Variants in STIM2 observed in about 807,000 individuals in gnomAD.
The protein encoded by STIM2 is stromal interaction molecule 2.
In STIM2, 31 loss-of-function variants were observed where a neutral mutation model predicts 85.8. The ratio of observed to expected loss-of-function variants is 0.36; its 90% confidence interval spans 0.27 to 0.49. STIM2 has a LOEUF of 0.49. STIM2 is among the 20% of genes least tolerant of loss of function. The pLI, the probability that STIM2 is intolerant of heterozygous loss-of-function variation, is 0.98. For synonymous variants in STIM2, 356 were observed against 331.1 expected, an observed-to-expected ratio of 1.08 and a Z score of -0.82; for missense variants, 841 against 927.6, an observed-to-expected ratio of 0.91 and a Z score of 1.21.
intron 2 of STIM2, among the ~76,000 whole-genome samples, chr4:26,944,495 T>TA (rs1725739664): frequency 6.6e-6 from 1 of 152,178 alleles, no homozygotes; most frequent in Non-Finnish European, 1.5e-5. Flanking sequence ...CCATAATAGA[T>TA]ACTCAGTAAA....
At chr4:26,987,309 A>C (rs1489170011) in intron 3 of STIM2, among the ~76,000 whole-genome samples, 1 of 152,156 alleles carries the variant, frequency 6.6e-6, no homozygotes, top group East Asian at 1.9e-4. Context: ...TGGTGGTGGG[A>C]CCGAAAGTAG....
intron 1 of STIM2, among the ~76,000 whole-genome samples, chr4:26,893,417 C>T (rs1723571773): frequency 6.6e-6 from 1 of 152,086 alleles, no homozygotes; most frequent in Non-Finnish European, 1.5e-5. Context: ...TTAATAAAAT[C>T]ATTGTATGTG....
chr4:27,021,164 A>G, intron 11 of STIM2: 2 of 1,168,520 alleles, frequency 1.7e-6, no homozygotes, highest in Non-Finnish European at 2.4e-6. Flanking sequence ...ATTTTTATGA[A>G]GTACCTACCG....
chr4:26,965,255 CCGGGTT>C (rs1726667259), intron 3 of STIM2, among the ~76,000 whole-genome samples: 1 of 152,080 alleles, frequency 6.6e-6, no homozygotes, highest in Non-Finnish European at 1.5e-5. Context: ...CTTTAATAGT[CCGGGTT>C]TCTTCTGTGA....
At chr4:27,019,453 G>A in intron 11 of STIM2, 1 of 1,289,778 alleles carries the variant, frequency 7.8e-7, no homozygotes, top group South Asian at 1.2e-5. Flanking sequence ...GTCTTGTGTG[G>A]TTTCTGGAAA....
chr4:26,880,667 G>GTAAATATATATA (rs1256792988), intron 1 of STIM2, among the ~76,000 whole-genome samples: 335 of 144,278 alleles, frequency 2.3e-3, no homozygotes, highest in African/African-American at 4.7e-3. Context: ...AAATATATAT[G>GTAAATATATATA]TAAATATATA....
At chr4:26,870,264 G>T (rs1722564480) in intron 1 of STIM2, among the ~76,000 whole-genome samples, 1 of 149,312 alleles carries the variant, frequency 6.7e-6, no homozygotes, top group South Asian at 2.1e-4. Context: ...TGACATTTGT[G>T]AAGAGGGTAG....
chr4:26,948,999 G>A (rs916995536), intron 2 of STIM2, among the ~76,000 whole-genome samples: 6 of 152,140 alleles, frequency 3.9e-5, no homozygotes, highest in East Asian at 3.8e-4. Context: ...AATTGACACA[G>A]TACATACAGT....
chr4:26,863,736 C>T (rs970584348), intron 1 of STIM2, among the ~76,000 whole-genome samples: 1 of 152,034 alleles, frequency 6.6e-6, no homozygotes, highest in Admixed American at 6.5e-5. Context: ...GAGAACTAAA[C>T]GTCACGTGAA....
chr4:26,861,488 T>C (rs1255557938), intron 1 of STIM2, 119 bp downstream of exon 1: 2 of 1,221,514 alleles, frequency 1.6e-6, no homozygotes, highest in Admixed American at 8.7e-5. Context: ...CAGGGCGCGA[T>C]GCGGAGCCCT....
intron 3 of STIM2, among the ~76,000 whole-genome samples, chr4:26,980,175 A>G (rs929552053): frequency 1.3e-5 from 2 of 152,194 alleles, no homozygotes. Flanking sequence ...TAGGTCTTAT[A>G]TTTGTCTTAT....
At chr4:26,939,348 A>G (rs1342043821) in intron 2 of STIM2, among the ~76,000 whole-genome samples, 1 of 152,122 alleles carries the variant, frequency 6.6e-6, no homozygotes. Flanking sequence ...TAGACTTTCT[A>G]TCTTGGCCTT....
intron 1 of STIM2, among the ~76,000 whole-genome samples, chr4:26,891,448 AGCCT>A (rs1409170298): frequency 6.6e-6 from 1 of 152,128 alleles, no homozygotes; most frequent in Non-Finnish European, 1.5e-5. Context: ...CAGACTTGTC[AGCCT>A]GTATAATCTT....
At chr4:26,885,855 A>ATATATATG (rs1723213798) in intron 1 of STIM2, among the ~76,000 whole-genome samples, 2 of 111,268 alleles carry the variant, frequency 1.8e-5, no homozygotes, top group African/African-American at 3.8e-5. Context: ...ATATATATAT[A>ATATATATG]TATATATATA....
At chr4:26,892,848 C>T (rs1256303396) in intron 1 of STIM2, among the ~76,000 whole-genome samples, 4 of 152,080 alleles carry the variant, frequency 2.6e-5, no homozygotes, top group East Asian at 1.9e-4. Flanking sequence ...TATTAACACA[C>T]GTTGAGGAAA....
In STIM2 at chr4:26,999,264, C is replaced by A. The variant is rs139037227; in HGVS notation, c.542C>A (p.Ser181Tyr). The A allele has an allele frequency of 2.1e-5, 33 of 1,608,922 alleles. No homozygotes were observed. The African/African-American group carries it at 3.6e-4, about 18-fold the overall frequency. ...GTGCACGAACCTTCATTTATGATCT[C>A]CCAGTTGAAAATCAGTGACCGGAGT... Residue 181 changes from serine to tyrosine, a missense_variant, in exon 5 of 12, where the codon TCC (serine) becomes TAC (tyrosine). By Grantham distance (144) the Ser-to-Tyr change is moderately radical (BLOSUM62 -2). Around this residue, in one of 3 missense-constraint regions of STIM2, gnomAD observed 408 missense variants for 525.4 expected, o/e 0.78. Transcript: ENST00000467087.
intron 1 of STIM2, among the ~76,000 whole-genome samples, chr4:26,883,829 A>T (rs1723111221): frequency 6.6e-6 from 1 of 152,230 alleles, no homozygotes; most frequent in South Asian, 2.1e-4. Flanking sequence ...AGCTGTGCTG[A>T]GTGAGCCATG....
intron 1 of STIM2, among the ~76,000 whole-genome samples, chr4:26,882,874 G>C (rs939936280): frequency 2.7e-5 from 4 of 149,250 alleles, no homozygotes; most frequent in African/African-American, 1.0e-4. Flanking sequence ...ATCTCCCTCT[G>C]TCACCCAGGC....
At chr4:26,896,083 A>T (rs1042513299) in intron 1 of STIM2, among the ~76,000 whole-genome samples, 3 of 152,280 alleles carry the variant, frequency 2.0e-5, no homozygotes, top group African/African-American at 7.2e-5. Context: ...GAGGTAATTG[A>T]GTTCCTTGTT....
Sources: gnomAD v4.1 joint callset for allele counts (sites outside exome capture counted in the v4.1 genomes callset) on GRCh38, gnomAD v4.1.1 for gene constraint, gnomAD v4.1.1 regional missense constraint, MANE v1.5 for transcripts, NCBI Gene and HGNC (gene_info 2026-07-23, HGNC 2026-07-21) for gene names.